Variants in KAZN observed in about 807,000 individuals in gnomAD.
KAZN encodes kazrin.
KAZN carries 40 observed loss-of-function variants against 87.4 expected under a neutral mutation model. That is an observed-to-expected ratio of 0.46 (90% confidence interval 0.36 to 0.60). The LOEUF is 0.60. KAZN is among the 20% of genes least tolerant of loss of function. KAZN has a pLI of 0.00. For missense variants in KAZN, 898 were observed against 1,073.9 expected (o/e 0.84, Z 2.29); for synonymous variants, 466 against 458.3 (o/e 1.02, Z -0.22).
intron 13 of KAZN, 105 bp downstream of exon 13, chr1:15,104,294 C>A: frequency 1.7e-6 from 2 of 1,164,428 alleles, no homozygotes; most frequent in Non-Finnish European, 2.4e-6. Flanking sequence ...TCACTTACTG[C>A]CTCCCACTCG....
intron 1 of KAZN, among the ~76,000 whole-genome samples, chr1:14,653,636 G>A (rs61774068): frequency 0.04 from 6,025 of 152,238 alleles, 157 homozygotes; most frequent in Non-Finnish European, 0.06. Flanking sequence ...AAACACACCC[G>A]TAGGCCACAT....
intron 1 of KAZN, among the ~76,000 whole-genome samples, chr1:14,778,387 C>G (rs961549270): frequency 1.9e-5 from 2 of 103,902 alleles, no homozygotes; most frequent in Non-Finnish European, 3.9e-5. Context: ...TCTGTTTAAC[C>G]CTTAAGAAAA....
intron 1 of KAZN, among the ~76,000 whole-genome samples, chr1:14,097,463 G>A (rs1644153705): frequency 6.6e-6 from 1 of 152,158 alleles, no homozygotes; most frequent in Non-Finnish European, 1.5e-5. Flanking sequence ...ACCATAGAGT[G>A]ACCTTTAATA....
At chr1:14,132,220 CA>C (rs1198693314) in intron 1 of KAZN, among the ~76,000 whole-genome samples, 1 of 152,166 alleles carries the variant, frequency 6.6e-6, no homozygotes, top group African/African-American at 2.4e-5. Context: ...GGTTGAAGAT[CA>C]TTTTTGGAGG....
At chr1:14,125,349 T>G (rs1644841584) in intron 1 of KAZN, among the ~76,000 whole-genome samples, 1 of 152,174 alleles carries the variant, frequency 6.6e-6, no homozygotes, top group Non-Finnish European at 1.5e-5. Flanking sequence ...TATGTCCATG[T>G]CCTAGCCAAA....
In KAZN at chr1:14,584,607, C is replaced by T. The variant is rs1311893596; in HGVS notation, c.250-14376C>T. On this transcript the variant is annotated intron_variant, in intron 2 of 16. Transcript: ENST00000636203. The stretch of plus-strand genomic sequence containing the variant: ...TGTTCAAAATTCATAGATTAAAATC[C>T]TACCCCCAGTACCTCAGTGTGCAAT... Among the ~76,000 whole-genome samples the T allele has an allele frequency of 1.3e-5, 2 of 152,004 alleles. 1 individual carries two copies. The highest frequency in any genetic ancestry group is 4.2e-4 in the South Asian group (2 of 4,816).
In KAZN at chr1:14,321,762, C is replaced by T. The variant is rs567894727; in HGVS notation, c.249+141170C>T. On this transcript the variant is annotated intron_variant, in intron 2 of 16. Coordinates refer to the KAZN transcript ENST00000636203. ...TTTTTCTATGATTAATCACATAGCC[C>T]GAATTCAGTGATTACAACTTATTAA... Among the ~76,000 whole-genome samples, 48 of 152,174 alleles carry T rather than the reference C, an allele frequency of 3.2e-4. 2 individuals carry two copies. Among genetic ancestry groups the T allele is most frequent in the African/African-American group, 9.6e-4 (40 of 41,514 alleles).
chr1:14,596,308 G>GCGCACACA (rs1491581024), upstream of KAZN, among the ~76,000 whole-genome samples: 104 of 150,300 alleles, frequency 6.9e-4, 1 homozygote, highest in African/African-American at 2.3e-3. Flanking sequence ...ACACGTGTGC[G>GCGCACACA]CACACACACA....
chr1:14,472,902 G>A (rs1668530772), intron 2 of KAZN, among the ~76,000 whole-genome samples: 1 of 152,140 alleles, frequency 6.6e-6, no homozygotes, highest in Admixed American at 6.5e-5. Flanking sequence ...CCTCCCTTAA[G>A]GGAGGCACAT....
intron 2 of KAZN, among the ~76,000 whole-genome samples, chr1:14,190,251 G>A (rs1020683134): frequency 1.3e-5 from 2 of 152,124 alleles, no homozygotes; most frequent in South Asian, 2.1e-4. Context: ...ACATTGCAGA[G>A]CGATGTGAAA....
At chr1:14,160,363 A>T (rs1200793673) in intron 1 of KAZN, among the ~76,000 whole-genome samples, 1 of 152,188 alleles carries the variant, frequency 6.6e-6, no homozygotes, top group African/African-American at 2.4e-5. Flanking sequence ...ACTGAGTTCA[A>T]TGCCTCATAA....
At chr1:14,394,908 C>T (rs1427827734) in intron 2 of KAZN, among the ~76,000 whole-genome samples, 1 of 152,192 alleles carries the variant, frequency 6.6e-6, no homozygotes. Flanking sequence ...TATGACCTAG[C>T]TTTGCAGACT....
At chr1:15,004,630 A>G (rs1011253952) in intron 2 of KAZN, among the ~76,000 whole-genome samples, 2 of 152,206 alleles carry the variant, frequency 1.3e-5, no homozygotes, top group Non-Finnish European at 2.9e-5. Context: ...GCCGTCTTCA[A>G]GGAGATGAGA....
chr1:13,988,999 A>G (rs923930822), intron 1 of KAZN, among the ~76,000 whole-genome samples: 1 of 152,066 alleles, frequency 6.6e-6, no homozygotes, highest in African/African-American at 2.4e-5. Flanking sequence ...TTACAGTTAC[A>G]GAGGCTAAGA....
Position 14,872,817 on chromosome 1 carries a change from T to G in KAZN, c.227-87867T>G, listed in dbSNP as rs191888480. On this transcript the variant is annotated intron_variant, in intron 1 of 14. Coordinates refer to ENST00000376030, the MANE Select transcript of KAZN (RefSeq NM_201628.3). ...ATGGATGGATGGACGTACAGATGGA[T>G]GGGTGGAAGGACAAATGGATGGATG... is the stretch of plus-strand genomic sequence containing the variant. Among the ~76,000 whole-genome samples the G allele has an allele frequency of 3.7e-4, 56 of 151,754 alleles. No individual in the cohort carries two copies. The East Asian group carries it at 0.011, about 29-fold the overall frequency.
chr1:14,333,873 A>C (rs990248327), intron 2 of KAZN, among the ~76,000 whole-genome samples: 7 of 152,130 alleles, frequency 4.6e-5, no homozygotes, highest in Non-Finnish European at 8.8e-5. Flanking sequence ...AGGCCACAGA[A>C]ATGTGGCTGC....
chr1:14,847,459 G>A (rs1648919696), intron 1 of KAZN, among the ~76,000 whole-genome samples: 1 of 152,214 alleles, frequency 6.6e-6, no homozygotes. Flanking sequence ...GGGATTGCAG[G>A]CCTGGGAGGT....
intron 2 of KAZN, among the ~76,000 whole-genome samples, chr1:14,476,471 C>G (rs1203808108): frequency 6.6e-6 from 1 of 152,138 alleles, no homozygotes; most frequent in Non-Finnish European, 1.5e-5. Flanking sequence ...TGTTTCCCCA[C>G]CCAGTGCTCT....
intron 2 of KAZN, among the ~76,000 whole-genome samples, chr1:14,402,528 A>G (rs543046332): frequency 3.3e-5 from 5 of 152,294 alleles, no homozygotes; most frequent in Admixed American, 1.3e-4. Context: ...GGAAAACTGA[A>G]TATCTAAATG....
Sources: gnomAD v4.1 joint callset for allele counts (sites outside exome capture counted in the v4.1 genomes callset) on GRCh38, gnomAD v4.1.1 for gene constraint, MANE v1.5 for transcripts, NCBI Gene and HGNC (gene_info 2026-07-23, HGNC 2026-07-21) for gene names.